Variants in ELP3 observed in about 807,000 individuals in gnomAD.
ELP3 encodes the protein elongator acetyltransferase complex subunit 3.
A neutral mutation model predicts 74.9 loss-of-function variants in ELP3; 56 were observed. The observed-to-expected ratio is 0.75, with a 90% confidence interval of 0.60 to 0.93. ELP3 has a LOEUF of 0.93. ELP3 is among the 40% of genes least tolerant of loss of function. The pLI is 0.00. For missense variants in ELP3, 573 were observed against 686.5 expected, an observed-to-expected ratio of 0.83 and a Z score of 1.85; for synonymous variants, 222 against 239.8, an observed-to-expected ratio of 0.93 and a Z score of 0.68.
chr8:28,162,184 C>A, intron 14 of ELP3, 106 bp downstream of exon 14: 2 of 1,139,392 alleles, frequency 1.8e-6, no homozygotes, highest in South Asian at 2.7e-5. Flanking sequence ...TTATTACGTT[C>A]AAAATTGAGC....
At chr8:28,154,322 C>A (rs536035190) in intron 10 of ELP3, among the ~76,000 whole-genome samples, 1 of 152,264 alleles carries the variant, frequency 6.6e-6, no homozygotes, top group Non-Finnish European at 1.5e-5. Context: ...CTTTAGTATT[C>A]ACTAATTCAG....
chr8:28,165,182 C>T (rs1046663964), intron 14 of ELP3, among the ~76,000 whole-genome samples: 1 of 152,074 alleles, frequency 6.6e-6, no homozygotes, highest in African/African-American at 2.4e-5. Flanking sequence ...ATGTGGTTAT[C>T]TTTTACAGTT....
chr8:28,133,711 A>T (rs1407106787), intron 9 of ELP3, among the ~76,000 whole-genome samples: 1 of 152,166 alleles, frequency 6.6e-6, no homozygotes. Context: ...ACCATGTCTT[A>T]TTTGTGAAGT....
intron 3 of ELP3, among the ~76,000 whole-genome samples, chr8:28,100,818 T>C (rs1215686648): frequency 6.6e-6 from 1 of 152,176 alleles, no homozygotes; most frequent in Non-Finnish European, 1.5e-5. Context: ...ATGGAGACTC[T>C]AGGATGAAAA....
At chr8:28,166,287 A>G (rs1174742723) in intron 14 of ELP3, among the ~76,000 whole-genome samples, 1 of 152,220 alleles carries the variant, frequency 6.6e-6, no homozygotes, top group East Asian at 1.9e-4. Flanking sequence ...TAGACTCCAG[A>G]TTAGTTCATA....
rs551129781 is a variant in ELP3 at position 28,107,092 on chromosome 8, A to G, written c.329+309A>G. 1.2e-4 allele frequency among the ~76,000 whole-genome samples: 18 copies of G among 152,250 alleles called. No homozygotes were observed. The South Asian group carries it at 3.5e-3, about 30-fold the overall frequency. Reference sequence around the variant, plus strand: ...GTGAGACTCCGTCTCTACTAAAAATACAAAAATTAGCCGAGCGTGGTGGCA... The same window carrying G: ...GTGAGACTCCGTCTCTACTAAAAATGCAAAAATTAGCCGAGCGTGGTGGCA... On this transcript the variant is annotated intron_variant, in intron 4 of 14. Coordinates refer to ENST00000256398, the MANE Select transcript of ELP3 (RefSeq NM_018091.6).
intron 1 of ELP3, chr8:28,093,793 G>A (rs1039834046): frequency 1.3e-5 from 2 of 155,846 alleles, no homozygotes; most frequent in African/African-American, 2.4e-5. Context: ...TATCTCACAG[G>A]TTCTGTTCCT....
At position 28,175,425 on chromosome 8, in the gene ELP3, A is replaced by AT. The variant is rs1477909814; in HGVS notation, c.1567+13353dup. On this transcript the variant is annotated intron_variant, in intron 14 of 14. Transcript: ENST00000256398. Reference sequence around the variant, plus strand: ...AACTGCCATTGAACACCTCTAGTGAATTTTTTATTTTTACTATCATACATC... The same window carrying AT: ...AACTGCCATTGAACACCTCTAGTGAATTTTTTTATTTTTACTATCATACATC... Among the ~76,000 whole-genome samples, 3 of 152,220 alleles carry AT rather than the reference A, an allele frequency of 2.0e-5. No individual in the cohort carries two copies. The East Asian group carries it at 5.8e-4, about 29-fold the overall frequency.
chr8:28,116,692 T>C (rs2130413463), intron 7 of ELP3, among the ~76,000 whole-genome samples: 1 of 152,260 alleles, frequency 6.6e-6, no homozygotes, highest in South Asian at 2.1e-4. Flanking sequence ...TGAGCCAAGA[T>C]TGCACTACTG....
At chr8:28,161,632 A>G (rs1257030392) in intron 13 of ELP3, among the ~76,000 whole-genome samples, 4 of 149,184 alleles carry the variant, frequency 2.7e-5, no homozygotes, top group African/African-American at 7.6e-5. Context: ...AAAAAAAAGT[A>G]GAGAGGTGAC....
At chr8:28,175,573 C>T (rs1382705991) in intron 14 of ELP3, among the ~76,000 whole-genome samples, 1 of 152,124 alleles carries the variant, frequency 6.6e-6, no homozygotes, top group Admixed American at 6.6e-5. Flanking sequence ...ATATTTAATA[C>T]AGTTGATTTA....
intron 7 of ELP3, among the ~76,000 whole-genome samples, chr8:28,127,960 G>A (rs764123196): frequency 4.6e-5 from 7 of 152,098 alleles, no homozygotes; most frequent in Non-Finnish European, 7.4e-5. Flanking sequence ...AAATAAGTCC[G>A]TTTTTATTGA....
At chr8:28,188,363 CATCTTTTGTTCTAAT>C (rs57978397) in intron 14 of ELP3, among the ~76,000 whole-genome samples, 64,738 of 151,812 alleles carry the variant, frequency 0.43, 15,189 homozygotes, top group Middle Eastern at 0.57. Flanking sequence ...GTTCAAGGGG[CATCTTTTGTTCTAAT>C]CTGGTGACTC....
At position 28,156,023 on chromosome 8, in the gene ELP3, C is replaced by G. The variant is rs752434486; in HGVS notation, c.1182C>G (p.Leu394=). The change falls in exon 11 of 15, where the codon CTC becomes CTG. Residue 394 remains leucine (L), a synonymous_variant. Coordinates refer to ENST00000256398, the MANE Select transcript of ELP3 (RefSeq NM_018091.6). ...RELALARMKD[L]GIQCRDVRTR... is the part of the protein sequence containing the mutation. The stretch of plus-strand genomic sequence containing the variant: ...TGGCACTTGCAAGAATGAAAGACCT[C>G]GGAATACAGGTAAGAGCAAATATGG... 1.2e-6 allele frequency: 2 copies of G among 1,613,032 alleles called. No homozygotes were observed. Among genetic ancestry groups the G allele is most frequent in the Non-Finnish European group, 1.7e-6 (2 of 1,179,294 alleles).
intron 5 of ELP3, 124 bp from the exon 6 acceptor site, chr8:28,110,246 A>C: frequency 1.2e-6 from 1 of 809,994 alleles, no homozygotes; most frequent in Non-Finnish European, 2.0e-6. Flanking sequence ...AGAAAAATTA[A>C]TGCGGGTACA....
chr8:28,093,028 C>A, upstream of ELP3: 2 of 945,396 alleles, frequency 2.1e-6, no homozygotes, highest in Non-Finnish European at 3.3e-6. Flanking sequence ...GGGCCGCCTG[C>A]TACCCTGTTA....
intron 9 of ELP3, among the ~76,000 whole-genome samples, chr8:28,136,814 T>C (rs1434195270): frequency 3.9e-5 from 6 of 152,238 alleles, no homozygotes; most frequent in Non-Finnish European, 4.4e-5. Context: ...TCCACTTTCA[T>C]TTCTCCAAAA....
At position 28,106,731 on chromosome 8, in the gene ELP3, A is replaced by T. The variant is rs761605149; in HGVS notation, c.277A>T (p.Met93Leu). The stretch of plus-strand genomic sequence containing the variant: ...TTTATAGATTGCTGTCGTGGCTGTG[A>T]TGTGCAAACCCCACAGATGTCCACA... ...TASGIAVVAVMCKPHRCPHIS... is the reference protein window; with the variant it reads ...TASGIAVVAVLCKPHRCPHIS... The change falls in exon 4 of 15, where the codon ATG (methionine) becomes TTG (leucine). Residue 93 changes from methionine to leucine, a missense_variant. Coordinates refer to ENST00000256398, the MANE Select transcript of ELP3 (RefSeq NM_018091.6). 1.2e-6 allele frequency: 2 copies of T among 1,612,756 alleles called. No individual in the cohort carries two copies. Among genetic ancestry groups the T allele is most frequent in the Admixed American group, 1.7e-5 (1 of 59,976 alleles).
upstream of ELP3, among the ~76,000 whole-genome samples, chr8:28,091,097 G>A (rs544680352): frequency 7.2e-5 from 11 of 151,990 alleles, no homozygotes; most frequent in Non-Finnish European, 1.3e-4. Context: ...TAGTGGAGAC[G>A]GGGTTTCATC....
Sources: allele counts gnomAD v4.1 joint callset (sites outside exome capture counted in the v4.1 genomes callset), GRCh38; gene constraint gnomAD v4.1.1; transcripts MANE v1.5; gene names NCBI Gene and HGNC (gene_info 2026-07-23, HGNC 2026-07-21).